The following RFESD variants were observed in gnomAD, a reference collection of about 807,000 sequenced individuals.
RFESD encodes Rieske Fe-S domain containing, also known as Rieske domain-containing protein.
A neutral mutation model predicts 24.4 loss-of-function variants in RFESD; 16 were observed. The observed-to-expected ratio is 0.66, with a 90% confidence interval of 0.44 to 1.00. RFESD has a LOEUF of 1.00. Among genes scored for constraint, RFESD ranks in the 50% least tolerant of loss-of-function variants. The probability of loss-of-function intolerance (pLI) is 0.00; values close to 1 mark genes in which losing one functional copy is unlikely to be tolerated. For synonymous variants in RFESD, 59 were observed against 81.8 expected (o/e 0.72, Z 1.50); for missense variants, 208 against 247.0 (o/e 0.84, Z 1.06).
chr5:95,652,496 C>T (rs947428628), intron 2 of RFESD, 165 bp downstream of exon 2: 27 of 865,440 alleles, frequency 3.1e-5, no homozygotes, highest in Non-Finnish European at 4.3e-5. Flanking sequence ...CTTGATTTTC[C>T]ATTCTGCAAA....
At position 95,654,241 on chromosome 5, in the gene RFESD, G is replaced by A. The variant is rs1218485860; in HGVS notation, c.334+5G>A. 1 of 1,611,084 alleles carries A rather than the reference G, an allele frequency of 6.2e-7. No homozygotes were observed. The highest frequency in any genetic ancestry group is 8.5e-7 in the Non-Finnish European group (1 of 1,178,934). On this transcript the variant is annotated splice_donor_5th_base_variant and intron_variant, in intron 4 of 5. Coordinates refer to ENST00000380005, the MANE Select transcript of RFESD (RefSeq NM_001131066.2). ...CTATGGATATTCGCTGTTACCGTAA[G>A]ATTTTATTTTTCATTTGTAAAACTT...
chr5:95,651,097 CAAAAAAAAAAAA>C (rs1006612798), intron 1 of RFESD, among the ~76,000 whole-genome samples: 1 of 48,372 alleles, frequency 2.1e-5, no homozygotes, highest in African/African-American at 7.8e-5. Flanking sequence ...GACTCCGTCT[CAAAAAAAAAAAA>C]AAAAAAAAAA....
chr5:95,653,130 TC>T lies in RFESD; in HGVS notation c.78del (p.Lys27SerfsTer6). 1 of 1,551,720 alleles carries T rather than the reference TC, an allele frequency of 6.4e-7. No individual in the cohort carries two copies. The highest frequency in any genetic ancestry group is 8.7e-7 in the Non-Finnish European group (1 of 1,146,988). On this transcript the variant is annotated frameshift_variant, in exon 3 of 6. Transcript: ENST00000380005. LOFTEE classifies it high-confidence loss of function. ...STLPLQYGIL[F>X]PKLLACLVHL... ...CTCTTCTTTCAGTATGGAATTCTCTTCCCCAAGCTGTTGGCATGTCTAGTTC... is the reference window on the plus strand; with the variant it reads ...CTCTTCTTTCAGTATGGAATTCTCTTCCCAAGCTGTTGGCATGTCTAGTTC...
chr5:95,652,501 T>G, intron 2 of RFESD, 170 bp downstream of exon 2: 1 of 848,264 alleles, frequency 1.2e-6, no homozygotes, highest in Non-Finnish European at 1.6e-6. Flanking sequence ...TTTTCCATTC[T>G]GCAAAAATAC....
intron 1 of RFESD, 190 bp downstream of exon 1, chr5:95,647,007 T>C (rs213887): frequency 0.43 from 65,283 of 152,266 alleles, 14,537 homozygotes; most frequent in African/African-American, 0.56. Flanking sequence ...CACAGGAGAC[T>C]CACCGAGCTT....
At chr5:95,652,370 T>G in intron 2 of RFESD, 39 bp downstream of exon 2, 2 of 1,544,004 alleles carry the variant, frequency 1.3e-6, no homozygotes, top group Non-Finnish European at 1.8e-6. Context: ...AACTCCCCAG[T>G]TTTTCTCTCT....
chr5:95,657,205 T>G lies in RFESD; in HGVS notation c.*896T>G, dbSNP rs1188484453. ...CTATAAATATTATAGAGAGGAGATCTAGGGTTTTGTTCCTTGGAGTTCCCG... is the reference window on the plus strand; with the variant it reads ...CTATAAATATTATAGAGAGGAGATCGAGGGTTTTGTTCCTTGGAGTTCCCG... On this transcript the variant is annotated 3_prime_UTR_variant, in exon 6 of 6. Transcript: ENST00000380005. 1.3e-5 allele frequency: 2 copies of G among 152,162 alleles called. No homozygotes were observed. The highest frequency in any genetic ancestry group is 2.4e-5 in the African/African-American group (1 of 41,452). 9.4% of individuals were successfully genotyped at this position (152,162 alleles called of 1,614,324 possible).
At chr5:95,650,216 A>G (rs1002191578) in intron 1 of RFESD, among the ~76,000 whole-genome samples, 1 of 152,078 alleles carries the variant, frequency 6.6e-6, no homozygotes, top group Admixed American at 6.6e-5. Context: ...TTACTTTTCT[A>G]TCCCCCCCTT....
rs753794008 is a variant in RFESD at position 95,656,175 on chromosome 5, G to T, written c.499G>T (p.Gly167Ter). 1 of 1,613,974 alleles carries T rather than the reference G, an allele frequency of 6.2e-7. No individual in the cohort carries two copies. The highest frequency in any genetic ancestry group is 1.7e-5 in the Admixed American group (1 of 60,012). Reference sequence around the variant, plus strand: ...AGCAAAACCCAAGTGGTGCTCCAAAGGAATAAAGCAAAGGATTCACACAGT... The same window carrying T: ...AGCAAAACCCAAGTGGTGCTCCAAATGAATAAAGCAAAGGATTCACACAGT... ...PSAKPKWCSK[G>*]IKQRIHTVTV... The change falls in exon 6 of 6, where the codon GGA becomes TGA. Residue 167 changes from glycine to a stop codon, truncating the protein, a stop_gained. Coordinates refer to ENST00000380005, the MANE Select transcript of RFESD (RefSeq NM_001131066.2). LOFTEE classifies it high-confidence loss of function.
intron 1 of RFESD, chr5:95,647,711 T>C (rs1750162212): frequency 1.3e-5 from 2 of 152,100 alleles, no homozygotes; most frequent in South Asian, 4.1e-4. Flanking sequence ...ATCACCAATA[T>C]ACATATTTGC....
At chr5:95,653,903 A>C (rs1365489483) in intron 3 of RFESD, among the ~76,000 whole-genome samples, 158 bp from the exon 4 acceptor site, 2 of 152,164 alleles carry the variant, frequency 1.3e-5, no homozygotes, top group African/African-American at 4.8e-5. Flanking sequence ...GTCTCAAAAT[A>C]ATAATAATCT....
intron 3 of RFESD, among the ~76,000 whole-genome samples, chr5:95,653,575 C>T (rs992867521): frequency 1.2e-4 from 18 of 152,160 alleles, no homozygotes; most frequent in East Asian, 3.8e-4. Context: ...GAGTCTCTAA[C>T]GCAAAGTAAT....
At chr5:95,654,829 A>G (rs919886759) in intron 5 of RFESD, among the ~76,000 whole-genome samples, 3 of 152,050 alleles carry the variant, frequency 2.0e-5, no homozygotes, top group African/African-American at 7.2e-5. Context: ...TTTTTTCATC[A>G]AAAAGAATAT....
chr5:95,648,425 T>G (rs145064087), intron 1 of RFESD, among the ~76,000 whole-genome samples: 82 of 152,256 alleles, frequency 5.4e-4, no homozygotes, highest in Non-Finnish European at 1.1e-3. Flanking sequence ...TCGAAACATA[T>G]TGGGAGTTTA....
chr5:95,652,428 C>CCAAGTAGAGATG, intron 2 of RFESD, 97 bp downstream of exon 2: 4 of 1,460,694 alleles, frequency 2.7e-6, no homozygotes, highest in African/African-American at 1.4e-5. Context: ...GACTTGACAT[C>CCAAGTAGAGATG]TCTACTTGGA....
rs764841285 is a variant in RFESD, at chr5:95,656,387, T to G, written c.*78T>G. 2.4e-6 allele frequency: 3 copies of G among 1,249,056 alleles called. No homozygotes were observed. The highest frequency in any genetic ancestry group is 3.3e-6 in the Non-Finnish European group (3 of 901,734). 77.4% of individuals were successfully genotyped at this position (1,249,056 alleles called of 1,614,324 possible). A position where few individuals can be genotyped will look rare whatever the true frequency, so the allele number is the denominator to read the frequency against. On this transcript the variant is annotated 3_prime_UTR_variant, in exon 6 of 6. Transcript: ENST00000380005. ...AATAACTCTGCTTCAGTTTTAAAGG[T>G]GATGAAATTTTTCAACATAGGCACA...
chr5:95,650,642 T>TTAAA lies in RFESD; in HGVS notation c.-135-1488_-135-1485dup, dbSNP rs1375839281. Among the ~76,000 whole-genome samples the TTAAA allele has an allele frequency of 3.9e-5, 6 of 152,372 alleles. No homozygotes were observed. The East Asian group carries it at 1.2e-3, about 29-fold the overall frequency. On this transcript the variant is annotated intron_variant, in intron 1 of 5. Transcript: ENST00000380005. The stretch of plus-strand genomic sequence containing the variant: ...AAAACTTCCAATCAGTTATATGGGA[T>TTAAA]TAAATAAATATTTAGAGAAGCCATC...
Position 95,657,427 on chromosome 5 carries a change from A to G in RFESD, c.*1118A>G, listed in dbSNP as rs2112532698. ...GGTCAGTGCTCATGCAAAAATCACC[A>G]CTATGTGGGACCAGAAATAGCTAAA... On this transcript the variant is annotated 3_prime_UTR_variant, in exon 6 of 6. Coordinates refer to ENST00000380005, the MANE Select transcript of RFESD (RefSeq NM_001131066.2). 1 of 151,838 alleles carries G rather than the reference A, an allele frequency of 6.6e-6. No homozygotes were observed. Among genetic ancestry groups the G allele is most frequent in the South Asian group, 2.1e-4 (1 of 4,756 alleles). 9.4% of individuals were successfully genotyped at this position (151,838 alleles called of 1,614,324 possible).
Position 95,654,236 on chromosome 5 carries a change from C to G in RFESD, c.334C>G (p.His112Asp). The G allele has an allele frequency of 6.2e-7, 1 of 1,610,964 alleles. No individual in the cohort carries two copies. Among genetic ancestry groups the G allele is most frequent in the Non-Finnish European group, 8.5e-7 (1 of 1,178,776 alleles). Residue 112 changes from histidine to aspartate, a missense_variant and splice_region_variant, in exon 4 of 6, where the codon CAC becomes GAC. By Grantham distance (81) the His-to-Asp change is moderately conservative. Transcript: ENST00000380005. ...EYHAMDIRCY[H>D]SGGPLHLGDI... ...TCATGCTATGGATATTCGCTGTTAC[C>G]GTAAGATTTTATTTTTCATTTGTAA...
Sources: allele counts gnomAD v4.1 joint callset (sites outside exome capture counted in the v4.1 genomes callset), GRCh38; gene constraint gnomAD v4.1.1; transcripts MANE v1.5; gene names NCBI Gene and HGNC (gene_info 2026-07-23, HGNC 2026-07-21).